The following SIRT5 variants were observed in gnomAD, a reference collection of about 807,000 sequenced individuals.
SIRT5 encodes the protein NAD-dependent protein deacylase sirtuin-5, mitochondrial.
SIRT5 carries 26 observed loss-of-function variants against 40.0 expected under a neutral mutation model. The observed-to-expected ratio is 0.65, with a 90% CI of 0.48 to 0.90. The LOEUF (loss-of-function observed/expected upper bound fraction) is 0.90. Among genes scored for constraint, SIRT5 ranks in the 40% least tolerant of loss-of-function variants. The pLI, the probability that SIRT5 is intolerant of heterozygous loss-of-function variation, is 0.00. For synonymous variants in SIRT5, 146 were observed against 149.1 expected (o/e 0.98, Z 0.15); for missense variants, 401 against 402.4 (o/e 1.00, Z 0.03).
intron 4 of SIRT5, 92 bp from the exon 5 acceptor site, chr6:13,591,577 T>A: frequency 9.1e-7 from 1 of 1,094,314 alleles, no homozygotes; most frequent in Non-Finnish European, 1.3e-6. Context: ...ACGCTGCCTG[T>A]CTCTGCCTTA....
chr6:13,584,167 GA>G lies in SIRT5; in HGVS notation c.59del (p.Lys20SerfsTer12), dbSNP rs1262378136. 1.2e-6 allele frequency: 2 copies of G among 1,614,034 alleles called. No individual in the cohort carries two copies. The highest frequency in any genetic ancestry group is 2.7e-5 in the African/African-American group (2 of 74,902). ...TGATTTCCCAGCTATATTGTGGCCTGAAGCCTCCAGCGTCCACACGAAACCA... is the reference window on the plus strand; with the variant it reads ...TGATTTCCCAGCTATATTGTGGCCTGAGCCTCCAGCGTCCACACGAAACCA... ...RLISQLYCGL[K>X]PPASTRNQIC... On this transcript the variant is annotated frameshift_variant, in exon 3 of 10. Coordinates refer to ENST00000606117, the MANE Select transcript of SIRT5 (RefSeq NM_012241.5). LOFTEE classifies it high-confidence loss of function.
At chr6:13,608,902 A>C (rs1161330503) in intron 9 of SIRT5, among the ~76,000 whole-genome samples, 8 of 151,192 alleles carry the variant, frequency 5.3e-5, no homozygotes, top group Non-Finnish European at 1.2e-4. Context: ...GCTCACTGCA[A>C]CCTCTGCCTC....
chr6:13,582,599 A>G (rs1584749839), intron 2 of SIRT5, among the ~76,000 whole-genome samples: 1 of 133,856 alleles, frequency 7.5e-6, no homozygotes, highest in East Asian at 2.1e-4. Context: ...TAACAATACC[A>G]TTGCCTCCCA....
chr6:13,581,043 C>T lies in SIRT5; in HGVS notation c.-36+1434C>T, dbSNP rs146292620. On this transcript the variant is annotated intron_variant, in intron 2 of 9. Transcript: ENST00000606117. Reference sequence around the variant, plus strand: ...TGTTGCAAAAATAGTACACAGAGTTCTCATTATACCATTTACCCAATTTCC... The same window carrying T: ...TGTTGCAAAAATAGTACACAGAGTTTTCATTATACCATTTACCCAATTTCC... 8.2e-3 allele frequency among the ~76,000 whole-genome samples: 1,253 copies of T among 152,272 alleles called. 18 individuals are homozygous for T. The highest frequency in any genetic ancestry group is 0.028 in the African/African-American group (1,151 of 41,546).
intron 5 of SIRT5, among the ~76,000 whole-genome samples, chr6:13,592,250 G>T (rs1178163389): frequency 6.6e-6 from 1 of 152,146 alleles, no homozygotes; most frequent in Non-Finnish European, 1.5e-5. Flanking sequence ...TTTCCCATGA[G>T]CCCAGGTGGC....
Position 13,575,221 on chromosome 6 carries a change from C to T in SIRT5, c.-195+477C>T, listed in dbSNP as rs559842638. Among the ~76,000 whole-genome samples the T allele has an allele frequency of 6.6e-5, 10 of 152,202 alleles. No individual in the cohort carries two copies. In the South Asian group the frequency reaches 2.1e-3, roughly 32 times the overall value. ...GGGAGGCCGCATGCAGTCTGGCGCG[C>T]TGGGAGGATGGGAGATCCAGAGGGG... On this transcript the variant is annotated intron_variant, in intron 1 of 9. Coordinates refer to ENST00000606117, the MANE Select transcript of SIRT5 (RefSeq NM_012241.5).
At chr6:13,578,638 GAAA>G (rs1398484569) in intron 1 of SIRT5, among the ~76,000 whole-genome samples, 2 of 136,238 alleles carry the variant, frequency 1.5e-5, no homozygotes, top group Non-Finnish European at 3.2e-5. Flanking sequence ...AAAAAAAAAA[GAAA>G]ATAATTGGTA....
chr6:13,585,150 G>A (rs1292237142), intron 3 of SIRT5: 6 of 152,182 alleles, frequency 3.9e-5, no homozygotes, highest in African/African-American at 1.4e-4. Context: ...TGTGATTGGT[G>A]GGGTAGTTGG....
At chr6:13,596,885 T>C (rs1038333373) in intron 6 of SIRT5, 78 bp from the exon 7 acceptor site, 53 of 1,206,204 alleles carry the variant, frequency 4.4e-5, no homozygotes, top group African/African-American at 2.6e-4. Flanking sequence ...CAGGCAAATA[T>C]ACAAACTGAG....
intron 7 of SIRT5, 58 bp downstream of exon 7, chr6:13,597,074 A>C (rs1213959189): frequency 1.3e-5 from 17 of 1,323,542 alleles, no homozygotes; most frequent in African/African-American, 1.5e-5. Flanking sequence ...AAAAAAAAAA[A>C]CAGACATCAA....
At chr6:13,591,975 TCCCTC>T (rs1406127665) in intron 5 of SIRT5, 81 bp downstream of exon 5, 1 of 1,242,742 alleles carries the variant, frequency 8.0e-7, no homozygotes, top group African/African-American at 1.5e-5. Context: ...TCTGGTGCCT[TCCCTC>T]CCTCCCTGCT....
intron 2 of SIRT5, among the ~76,000 whole-genome samples, chr6:13,580,540 A>T (rs935486488): frequency 6.6e-6 from 1 of 152,178 alleles, no homozygotes; most frequent in African/African-American, 2.4e-5. Flanking sequence ...GGTCTCAAAA[A>T]CTATGTAGCC....
chr6:13,606,233 C>T (rs1174998568), intron 9 of SIRT5, among the ~76,000 whole-genome samples: 3 of 152,164 alleles, frequency 2.0e-5, no homozygotes, highest in Non-Finnish European at 4.4e-5. Flanking sequence ...GCTTTTCAGA[C>T]ACTGGGACCA....
In SIRT5 at chr6:13,613,336, C is replaced by T. The variant is rs917273590; in HGVS notation, c.*1471C>T. ...TAAAGTAGTAAGAATACAGCTTTTT[C>T]CTTAACCTTTACCAGCTAACTCAGT... On this transcript the variant is annotated 3_prime_UTR_variant, in exon 10 of 10. Coordinates refer to ENST00000606117, the MANE Select transcript of SIRT5 (RefSeq NM_012241.5). 6.6e-6 allele frequency: 1 copy of T among 152,178 alleles called. No individual in the cohort carries two copies. The highest frequency in any genetic ancestry group is 1.5e-5 in the Non-Finnish European group (1 of 68,040). The allele number at this position is 152,178 out of a possible 1,614,324, so 9.4% of individuals were successfully genotyped here.
intron 9 of SIRT5, among the ~76,000 whole-genome samples, chr6:13,606,322 TG>T: frequency 6.6e-6 from 1 of 152,208 alleles, no homozygotes; most frequent in African/African-American, 2.4e-5. Context: ...GTAATGGAGT[TG>T]GGGGCTCTGG....
chr6:13,593,687 C>T (rs1193679627), intron 5 of SIRT5, among the ~76,000 whole-genome samples: 3 of 152,150 alleles, frequency 2.0e-5, no homozygotes, highest in Non-Finnish European at 4.4e-5. Context: ...TTTAATGTGG[C>T]ATTTAGAATA....
intron 5 of SIRT5, among the ~76,000 whole-genome samples, chr6:13,593,411 C>T (rs1296283368): frequency 2.0e-5 from 3 of 152,148 alleles, no homozygotes; most frequent in Admixed American, 6.5e-5. Context: ...CTTTTTGGTA[C>T]CTACATCTGC....
rs201240980 is a variant in SIRT5, at chr6:13,584,261, A to G, written c.115+36A>G. On this transcript the variant is annotated intron_variant, in intron 3 of 9. Transcript: ENST00000606117. ...TTACCCATTGCCTCACCTGCAGCCA[A>G]ATGTGAAGTACCTGAAAGTCCTACA... 2.2e-4 allele frequency: 319 copies of G among 1,426,500 alleles called. 3 individuals carry two copies. Among genetic ancestry groups the G allele is most frequent in the South Asian group, 2.2e-3 (188 of 87,392 alleles). The allele number at this position is 1,426,500 out of a possible 1,614,324, so 88.4% of individuals were successfully genotyped here.
chr6:13,603,276 CAAAA>C (rs36093293), intron 9 of SIRT5, among the ~76,000 whole-genome samples: 12 of 49,296 alleles, frequency 2.4e-4, no homozygotes, highest in East Asian at 6.4e-4. Flanking sequence ...GACTCCGTCT[CAAAA>C]AAAAAAAAAA....
Sources: gnomAD v4.1 joint callset for allele counts (sites outside exome capture counted in the v4.1 genomes callset) on GRCh38, gnomAD v4.1.1 for gene constraint, MANE v1.5 for transcripts, NCBI Gene and HGNC (gene_info 2026-07-23, HGNC 2026-07-21) for gene names.